UNC13C: variants seen among roughly 807,000 people sequenced by gnomAD.
The protein encoded by UNC13C is unc-13 homolog C.
Under a neutral mutation model 245.4 loss-of-function variants are expected in UNC13C, and 174 were observed. The ratio of observed to expected loss-of-function variants is 0.71; its 90% CI spans 0.63 to 0.80. The LOEUF (loss-of-function observed/expected upper bound fraction) is 0.80, where lower values mean the gene tolerates loss of function less well. Among genes scored for constraint, UNC13C ranks in the 30% least tolerant of loss-of-function variants. The pLI, the probability that UNC13C is intolerant of heterozygous loss-of-function variation, is 0.00. For synonymous variants in UNC13C, 992 were observed against 895.1 expected, an observed-to-expected ratio of 1.11 and a Z score of -1.93; for missense variants, 2,829 against 2,602.9, an observed-to-expected ratio of 1.09 and a Z score of -1.89.
intron 4 of UNC13C, among the ~76,000 whole-genome samples, chr15:54,194,799 C>T (rs192372475): frequency 2.6e-5 from 4 of 152,148 alleles, no homozygotes; most frequent in African/African-American, 9.6e-5. Flanking sequence ...AGCTGAAGGC[C>T]TCTGAGTGGG....
In UNC13C at chr15:54,131,050, A is replaced by T. The variant is rs1595890814; in HGVS notation, c.2984-11968A>T. Among the ~76,000 whole-genome samples the T allele has an allele frequency of 3.3e-5, 5 of 152,312 alleles. No individual in the cohort carries two copies. The South Asian group carries it at 1.0e-3, about 32-fold the overall frequency. ...GAAATGTTTCAATATTCCTGTGAGC[A>T]ATTTTGATTTTTACTGCACTGAAGA... is the stretch of plus-strand genomic sequence containing the variant. On this transcript the variant is annotated intron_variant, in intron 2 of 32. Coordinates refer to ENST00000260323, the MANE Select transcript of UNC13C (RefSeq NM_001080534.3).
At position 54,567,827 on chromosome 15, in the gene UNC13C, C is replaced by T. The variant is rs767170090; in HGVS notation, c.5986C>T (p.Leu1996=). The part of the protein sequence containing the change: ...KQYFHAGGNG[L]KKNFLEKSPD... ...ATACTTTCATGCAGGAGGAAATGGC[C>T]TGAAAAAGAATTTCTTGGAGAAAAG... Residue 1996 remains leucine (L), a synonymous_variant, in exon 30 of 33, where the codon CTG becomes TTG. Coordinates refer to ENST00000260323, the MANE Select transcript of UNC13C (RefSeq NM_001080534.3). The T allele has an allele frequency of 6.2e-7, 1 of 1,603,882 alleles. No homozygotes were observed. The highest frequency in any genetic ancestry group is 1.1e-5 in the South Asian group (1 of 89,274).
chr15:54,469,534 A>G (rs73419693), intron 19 of UNC13C, among the ~76,000 whole-genome samples: 11,902 of 151,506 alleles, frequency 0.079, 541 homozygotes, highest in African/African-American at 0.12. Flanking sequence ...CAATCCCCTT[A>G]TCTAAAATGG....
intron 30 of UNC13C, among the ~76,000 whole-genome samples, chr15:54,602,177 G>A (rs947464204): frequency 4.6e-5 from 7 of 152,202 alleles, no homozygotes; most frequent in African/African-American, 1.7e-4. Context: ...AAGCAAACCT[G>A]TAGTGGTTTC....
At chr15:54,377,939 A>G (rs181447771) in intron 17 of UNC13C, among the ~76,000 whole-genome samples, 232 of 152,352 alleles carry the variant, frequency 1.5e-3, no homozygotes, top group Middle Eastern at 3.4e-3. Flanking sequence ...TTACAAGTAT[A>G]TAATCATAGG....
intron 4 of UNC13C, among the ~76,000 whole-genome samples, chr15:54,220,485 C>T (rs1430586444): frequency 8.0e-5 from 12 of 150,404 alleles, no homozygotes; most frequent in Non-Finnish European, 1.6e-4. Flanking sequence ...TTAGGAGATA[C>T]ACCTAATGCT....
At chr15:54,109,947 A>T (rs983201293) in intron 2 of UNC13C, among the ~76,000 whole-genome samples, 6 of 152,134 alleles carry the variant, frequency 3.9e-5, no homozygotes, top group African/African-American at 1.4e-4. Context: ...TATTTTCAAT[A>T]TCATTTCCAG....
chr15:54,413,765 G>C (rs2040460898), intron 18 of UNC13C, among the ~76,000 whole-genome samples: 1 of 152,112 alleles, frequency 6.6e-6, no homozygotes, highest in Admixed American at 6.5e-5. Flanking sequence ...AGGTTGTTTT[G>C]AGGTCATATT....
chr15:54,516,749 G>T (rs1894994242), intron 24 of UNC13C, among the ~76,000 whole-genome samples: 1 of 144,544 alleles, frequency 6.9e-6, no homozygotes, highest in Non-Finnish European at 1.5e-5. Context: ...GCAGTGAGCA[G>T]AGATCGCACC....
chr15:53,908,734 AGAATGAGAACCTTTCTCC>A, the UNC13C span, among the ~76,000 whole-genome samples: 26 of 114,496 alleles, frequency 2.3e-4, no homozygotes, highest in African/African-American at 7.4e-4. Context: ...TCTGGGTGAC[AGAATGAGAACCTTTCTCC>A]AAAAAAAAAA....
intron 10 of UNC13C, among the ~76,000 whole-genome samples, chr15:54,291,086 C>T (rs2037285666): frequency 6.6e-6 from 1 of 151,948 alleles, no homozygotes; most frequent in Admixed American, 6.6e-5. Context: ...GACTTTTCTT[C>T]TTTTTGATAG....
chr15:54,546,557 A>G (rs1393617739), intron 26 of UNC13C, among the ~76,000 whole-genome samples, 165 bp from the exon 27 acceptor site: 1 of 152,206 alleles, frequency 6.6e-6, no homozygotes. Flanking sequence ...TCCATCAAAT[A>G]TAGAGAATTA....
At chr15:54,516,609 C>A (rs1336257260) in intron 24 of UNC13C, among the ~76,000 whole-genome samples, 1 of 151,926 alleles carries the variant, frequency 6.6e-6, no homozygotes, top group Non-Finnish European at 1.5e-5. Context: ...TCGAGATCAG[C>A]CTAACATGGC....
rs116021529 is a variant in UNC13C, at chr15:54,240,357, G to C, written c.3228+2667G>C. 2.0e-3 allele frequency among the ~76,000 whole-genome samples: 308 copies of C among 152,266 alleles called. 2 individuals are homozygous for C. Among genetic ancestry groups the C allele is most frequent in the African/African-American group, 7.1e-3 (296 of 41,532 alleles). On this transcript the variant is annotated intron_variant, in intron 7 of 32. Transcript: ENST00000260323. ...ACACAGGCAACTAACATAAATGCTG[G>C]AGCAAATAATTTGCACTTCTTGGTG...
chr15:54,054,586 T>C (rs1897419502), intron 2 of UNC13C, among the ~76,000 whole-genome samples: 1 of 152,198 alleles, frequency 6.6e-6, no homozygotes, highest in Non-Finnish European at 1.5e-5. Flanking sequence ...CCATTTATAA[T>C]TTAAATATGG....
At chr15:53,998,330 A>G (rs1395790473) in intron 1 of UNC13C, among the ~76,000 whole-genome samples, 1 of 152,078 alleles carries the variant, frequency 6.6e-6, no homozygotes, top group African/African-American at 2.4e-5. Context: ...TTTCAGCAAT[A>G]TTTGTAGTAT....
intron 30 of UNC13C, among the ~76,000 whole-genome samples, chr15:54,605,857 A>T (rs1293872096): frequency 6.6e-6 from 1 of 152,208 alleles, no homozygotes; most frequent in Admixed American, 6.5e-5. Flanking sequence ...TATAAACATC[A>T]TTCATGGACA....
At chr15:54,319,401 C>T (rs1239491936) in intron 13 of UNC13C, among the ~76,000 whole-genome samples, 1 of 151,180 alleles carries the variant, frequency 6.6e-6, no homozygotes, top group Non-Finnish European at 1.5e-5. Context: ...ATTCTTAATA[C>T]ATATTAATTA....
intron 17 of UNC13C, among the ~76,000 whole-genome samples, chr15:54,374,173 A>T (rs994709482): frequency 2.0e-5 from 3 of 152,244 alleles, no homozygotes; most frequent in African/African-American, 7.2e-5. Flanking sequence ...TAATTAGTTC[A>T]TGGGTGGCTA....
Sources: gnomAD v4.1 joint callset for allele counts (sites outside exome capture counted in the v4.1 genomes callset) on GRCh38, gnomAD v4.1.1 for gene constraint, MANE v1.5 for transcripts, NCBI Gene and HGNC (gene_info 2026-07-23, HGNC 2026-07-21) for gene names.